Variants in ADCY9 observed in about 807,000 individuals in gnomAD.
ADCY9 encodes adenylate cyclase 9, also known as adenylate cyclase type 9.
Under a neutral mutation model 101.5 loss-of-function variants are expected in ADCY9, and 50 were observed. That is an observed-to-expected ratio of 0.49 (90% confidence interval 0.39 to 0.62). The LOEUF (loss-of-function observed/expected upper bound fraction) is 0.62. ADCY9 is among the 20% of genes least tolerant of loss of function. The probability of loss-of-function intolerance (pLI) is 0.00; values close to 1 mark genes in which losing one functional copy is unlikely to be tolerated. For missense variants in ADCY9, 1,662 were observed against 1,800.4 expected, an observed-to-expected ratio of 0.92 and a Z score of 1.39; for synonymous variants, 905 against 769.3, an observed-to-expected ratio of 1.18 and a Z score of -2.92.
At chr16:4,010,595 C>T (rs905064826) in intron 2 of ADCY9, among the ~76,000 whole-genome samples, 9 of 152,176 alleles carry the variant, frequency 5.9e-5, no homozygotes, top group South Asian at 2.1e-4. Context: ...TGGCCGAGAT[C>T]GTGACCTGTG....
rs1326133554 is a variant in ADCY9, at chr16:3,963,181, A to G, written c.*2594T>C. On this transcript the variant is annotated 3_prime_UTR_variant, in exon 11 of 11. Transcript: ENST00000294016. Reference sequence around the variant, plus strand: ...CGATCTGAGCTGGGACTGAGAAGAAAATAGCAATTGCAACTCAAAGCAACT... The same window carrying G: ...CGATCTGAGCTGGGACTGAGAAGAAGATAGCAATTGCAACTCAAAGCAACT... 1.2e-5 allele frequency: 4 copies of G among 341,252 alleles called. No individual in the cohort carries two copies. The highest frequency in any genetic ancestry group is 2.2e-5 in the African/African-American group (1 of 44,942). 21.1% of individuals were successfully genotyped at this position (341,252 alleles called of 1,614,324 possible).
At chr16:4,106,676 A>G (rs1417804044) in intron 2 of ADCY9, among the ~76,000 whole-genome samples, 5 of 152,136 alleles carry the variant, frequency 3.3e-5, no homozygotes, top group Non-Finnish European at 7.3e-5. Context: ...AAACACCAAT[A>G]CTAAAATCAC....
chr16:4,050,217 A>G (rs2056691858), intron 2 of ADCY9, among the ~76,000 whole-genome samples: 1 of 152,192 alleles, frequency 6.6e-6, no homozygotes, highest in South Asian at 2.1e-4. Flanking sequence ...TGTTATTGTT[A>G]GAAAAGAGGG....
intron 9 of ADCY9, among the ~76,000 whole-genome samples, chr16:3,976,284 G>A (rs1402474105): frequency 6.6e-6 from 1 of 152,158 alleles, no homozygotes; most frequent in East Asian, 1.9e-4. Context: ...TGAGCACCAA[G>A]ACCGGCTGGG....
chr16:3,986,807 A>G (rs2056197016), intron 6 of ADCY9, among the ~76,000 whole-genome samples: 1 of 152,224 alleles, frequency 6.6e-6, no homozygotes, highest in Admixed American at 6.5e-5. Context: ...TATGTTGCCC[A>G]GGCTGGTCTA....
rs535364335 is a variant in ADCY9, at chr16:4,072,991, A to C, written c.1693+40759T>G. ...TTTCAACACAAACCTTCATATCCTA[A>C]AAGAAAAAAAAAAAAAAAAGAAACA... On this transcript the variant is annotated intron_variant, in intron 2 of 10. Transcript: ENST00000294016. Among the ~76,000 whole-genome samples, 13 of 89,968 alleles carry C rather than the reference A, an allele frequency of 1.4e-4. No homozygotes were observed. In the Admixed American group the frequency reaches 1.5e-3, roughly 11 times the overall value. 59.0% of individuals were successfully genotyped at this position (89,968 alleles called of 152,430 possible).
chr16:4,014,341 G>A (rs955529592), intron 2 of ADCY9, among the ~76,000 whole-genome samples: 2 of 148,814 alleles, frequency 1.3e-5, no homozygotes, highest in East Asian at 2.0e-4. Context: ...AAAAAAAAAA[G>A]AAGTCCCAAA....
At chr16:4,033,132 C>A (rs977981388) in intron 2 of ADCY9, among the ~76,000 whole-genome samples, 2 of 152,192 alleles carry the variant, frequency 1.3e-5, no homozygotes, top group Non-Finnish European at 2.9e-5. Context: ...ATGAGTAAGG[C>A]TGCCTTCCAG....
chr16:4,008,824 CAG>C (rs1454388634), intron 2 of ADCY9, among the ~76,000 whole-genome samples: 3 of 152,148 alleles, frequency 2.0e-5, no homozygotes, highest in Admixed American at 2.0e-4. Context: ...CCAAAGATGA[CAG>C]GTGTGAGCCA....
chr16:3,956,503 T>TTTTTTTTTTTTTGGGG lies in ADCY9; in HGVS notation c.568-2988_568-2987insCCCCAAAAAAAAAAAA, dbSNP rs55792938. 5.7e-5 allele frequency among the ~76,000 whole-genome samples: 4 copies of TTTTTTTTTTTTTGGGG among 69,576 alleles called. 1 individual carries two copies. The highest frequency in any genetic ancestry group is 1.4e-4 in the Admixed American group (1 of 7,242). The allele number at this position is 69,576 out of a possible 152,430, so 45.6% of individuals were successfully genotyped here. A position where few individuals can be genotyped will look rare whatever the true frequency, so the allele number is the denominator to read the frequency against. On this transcript the variant is annotated intron_variant, in intron 5 of 5. Transcript: ENST00000576936. ...GCGCAATGAGCTTTTTTTTTTTTTTTGGGGGGGGATGGAGTCTCCCTCTGT... is the reference window on the plus strand; with the variant it reads ...GCGCAATGAGCTTTTTTTTTTTTTTTTTTTTTTTTTTTGGGGGGGGGGGGATGGAGTCTCCCTCTGT...
chr16:4,056,908 T>C (rs2056741941), intron 2 of ADCY9, among the ~76,000 whole-genome samples: 2 of 151,982 alleles, frequency 1.3e-5, no homozygotes, highest in South Asian at 4.1e-4. Context: ...CAGGCTGAGG[T>C]CCAGGATGAT....
intron 2 of ADCY9, among the ~76,000 whole-genome samples, chr16:4,104,387 G>A (rs1329942836): frequency 2.6e-5 from 4 of 152,108 alleles, no homozygotes; most frequent in African/African-American, 9.7e-5. Flanking sequence ...ATATAATAGT[G>A]TACAAAAAAA....
intron 10 of ADCY9, 37 bp from the exon 11 acceptor site, chr16:3,967,003 G>A (rs771437903): frequency 1.9e-6 from 3 of 1,553,474 alleles, no homozygotes; most frequent in South Asian, 2.4e-5. Context: ...AGAGGTTACT[G>A]CTCGGCGCTT....
At chr16:3,955,680 C>A (rs1313822504) in intron 5 of ADCY9, among the ~76,000 whole-genome samples, 1 of 151,926 alleles carries the variant, frequency 6.6e-6, no homozygotes, top group Non-Finnish European at 1.5e-5. Context: ...TCCAGAGTAA[C>A]TGGGATTATA....
chr16:3,987,193 C>T (rs558612408), intron 6 of ADCY9, among the ~76,000 whole-genome samples: 17 of 152,328 alleles, frequency 1.1e-4, no homozygotes, highest in Non-Finnish European at 2.4e-4. Context: ...GGTGCCTCGC[C>T]GTGTGCTGGG....
At chr16:4,027,166 A>G (rs951754580) in intron 2 of ADCY9, among the ~76,000 whole-genome samples, 1 of 152,222 alleles carries the variant, frequency 6.6e-6, no homozygotes, top group Non-Finnish European at 1.5e-5. Context: ...AAGGCTCCAG[A>G]AAATTCTCTA....
At chr16:4,066,114 A>G (rs1217665229) in intron 2 of ADCY9, among the ~76,000 whole-genome samples, 2 of 152,198 alleles carry the variant, frequency 1.3e-5, no homozygotes, top group Non-Finnish European at 2.9e-5. Flanking sequence ...CATTCTAGGA[A>G]TGGGTATGAA....
intron 2 of ADCY9, among the ~76,000 whole-genome samples, chr16:4,083,894 C>A (rs1440072739): frequency 6.6e-6 from 1 of 152,054 alleles, no homozygotes; most frequent in Non-Finnish European, 1.5e-5. Context: ...GCTTCTCTGT[C>A]GAGTGAAGAA....
chr16:4,023,366 C>A (rs1030064372), intron 2 of ADCY9, among the ~76,000 whole-genome samples: 1 of 152,156 alleles, frequency 6.6e-6, no homozygotes, highest in African/African-American at 2.4e-5. Context: ...ACCCAACATG[C>A]GGTTTGGACA....
Sources: gnomAD v4.1 joint callset for allele counts (sites outside exome capture counted in the v4.1 genomes callset) on GRCh38, gnomAD v4.1.1 for gene constraint, MANE v1.5 for transcripts, NCBI Gene and HGNC (gene_info 2026-07-23, HGNC 2026-07-21) for gene names.